Variants in ITGB6 observed in about 807,000 individuals in gnomAD.
ITGB6 encodes integrin subunit beta 6, also known as integrin beta-6.
In ITGB6, 80 loss-of-function variants were observed where a neutral mutation model predicts 84.5. That is an observed-to-expected ratio of 0.95 (90% CI 0.79 to 1.14). The LOEUF is 1.14. Among genes scored for constraint, ITGB6 ranks in the 50% most tolerant of loss-of-function variants. ITGB6 has a pLI of 0.00. For missense variants in ITGB6, 1,006 were observed against 968.0 expected (o/e 1.04, Z -0.52); for synonymous variants, 383 against 354.9 (o/e 1.08, Z -0.89).
intron 5 of ITGB6, among the ~76,000 whole-genome samples, 165 bp downstream of exon 5, chr2:160,173,809 G>A (rs1340233512): frequency 6.6e-6 from 1 of 152,062 alleles, no homozygotes; most frequent in Non-Finnish European, 1.5e-5. Context: ...ATTTCAACAT[G>A]ATTTAATTAA....
At chr2:160,171,569 T>G (rs1211703056) in intron 6 of ITGB6, among the ~76,000 whole-genome samples, 1 of 152,068 alleles carries the variant, frequency 6.6e-6, no homozygotes, top group Non-Finnish European at 1.5e-5. Context: ...TCTCCTGACC[T>G]CGTGATCCAC....
At chr2:160,151,680 C>T (rs1684422168) in intron 7 of ITGB6, among the ~76,000 whole-genome samples, 1 of 151,678 alleles carries the variant, frequency 6.6e-6, no homozygotes. Flanking sequence ...AAAAGATCAA[C>T]AAAATTGATA....
At chr2:160,123,361 G>A (rs1212099859) in intron 12 of ITGB6, among the ~76,000 whole-genome samples, 3 of 152,112 alleles carry the variant, frequency 2.0e-5, no homozygotes, top group Non-Finnish European at 4.4e-5. Flanking sequence ...CCAGTATCTT[G>A]GAGCCACCAT....
At chr2:160,175,139 A>G (rs1487271371) in intron 4 of ITGB6, among the ~76,000 whole-genome samples, 9 of 152,282 alleles carry the variant, frequency 5.9e-5, no homozygotes, top group South Asian at 4.1e-4. Flanking sequence ...GATTCTTAAT[A>G]TGGGCACATG....
At chr2:160,135,663 G>T in intron 10 of ITGB6, among the ~76,000 whole-genome samples, 1 of 150,958 alleles carries the variant, frequency 6.6e-6, no homozygotes, top group Admixed American at 6.6e-5. Flanking sequence ...ATACTACAAG[G>T]CTACAGTAAC....
At chr2:160,110,046 A>G (rs944993147) in intron 13 of ITGB6, among the ~76,000 whole-genome samples, 1 of 152,224 alleles carries the variant, frequency 6.6e-6, no homozygotes, top group Non-Finnish European at 1.5e-5. Context: ...TAAATTACAT[A>G]TAGGGTTTGC....
chr2:160,199,350 C>A, intron 1 of ITGB6, 92 bp from the exon 2 acceptor site: 1 of 933,874 alleles, frequency 1.1e-6, no homozygotes, highest in Non-Finnish European at 1.7e-6. Flanking sequence ...TTGAACAAAA[C>A]AACATCAAAG....
chr2:160,189,091 A>T (rs1240040089), intron 4 of ITGB6, among the ~76,000 whole-genome samples: 1 of 152,218 alleles, frequency 6.6e-6, no homozygotes, highest in Non-Finnish European at 1.5e-5. Context: ...TGACAAAAAT[A>T]AGAAATGGGG....
chr2:160,173,100 T>G (rs1278593407), intron 5 of ITGB6, among the ~76,000 whole-genome samples: 1 of 152,102 alleles, frequency 6.6e-6, no homozygotes, highest in East Asian at 1.9e-4. Flanking sequence ...GAAGCCAAAC[T>G]CATCAAAATG....
At chr2:160,145,205 T>C (rs994633781) in intron 7 of ITGB6, among the ~76,000 whole-genome samples, 1 of 152,178 alleles carries the variant, frequency 6.6e-6, no homozygotes, top group African/African-American at 2.4e-5. Context: ...TAAAAGATGG[T>C]GCTTGGATAT....
intron 12 of ITGB6, among the ~76,000 whole-genome samples, chr2:160,113,708 T>C (rs189193240): frequency 2.8e-4 from 42 of 152,342 alleles, no homozygotes; most frequent in African/African-American, 9.6e-4. Context: ...GTACACTTAG[T>C]GAGTTGTTTA....
At chr2:160,190,633 A>G (rs1686106711) in intron 4 of ITGB6, among the ~76,000 whole-genome samples, 1 of 152,186 alleles carries the variant, frequency 6.6e-6, no homozygotes, top group Non-Finnish European at 1.5e-5. Flanking sequence ...CATAGTTGGA[A>G]CTCAGTAAAT....
At chr2:160,142,675 G>A (rs1243235330) in intron 7 of ITGB6, among the ~76,000 whole-genome samples, 1 of 152,186 alleles carries the variant, frequency 6.6e-6, no homozygotes, top group Non-Finnish European at 1.5e-5. Flanking sequence ...TCACCGTGGA[G>A]TGAGTCAGAA....
At chr2:160,152,434 G>A (rs949470599) in intron 7 of ITGB6, among the ~76,000 whole-genome samples, 17 of 152,174 alleles carry the variant, frequency 1.1e-4, no homozygotes, top group Non-Finnish European at 2.2e-4. Flanking sequence ...ACTAGGTATT[G>A]ATGGAACGTA....
intron 6 of ITGB6, among the ~76,000 whole-genome samples, chr2:160,169,684 G>A (rs531707352): frequency 7.6e-4 from 115 of 152,284 alleles, no homozygotes; most frequent in Non-Finnish European, 1.3e-3. Context: ...TTCCTCAGTC[G>A]AGGGAGGGGC....
At chr2:160,117,435 A>G (rs1682832461) in intron 12 of ITGB6, among the ~76,000 whole-genome samples, 1 of 152,182 alleles carries the variant, frequency 6.6e-6, no homozygotes, top group Non-Finnish European at 1.5e-5. Context: ...AACGAAATGA[A>G]GGCAGAAATA....
chr2:160,145,896 T>A (rs1468141884), intron 7 of ITGB6, among the ~76,000 whole-genome samples: 2 of 152,188 alleles, frequency 1.3e-5, no homozygotes, highest in East Asian at 1.9e-4. Flanking sequence ...GTATCTCCTG[T>A]GTGCTTAGCT....
chr2:160,126,536 A>C lies in ITGB6; in HGVS notation c.1726T>G (p.Cys576Gly). Residue 576 changes from cysteine to glycine, a missense_variant, in exon 11 of 15, where the codon TGC becomes GGC. Coordinates refer to ENST00000283249, the MANE Select transcript of ITGB6 (RefSeq NM_000888.5). ...RSGWTGEYCN[C>G]TTSTDSCVSE... The stretch of plus-strand genomic sequence containing the variant: ...ACGCAGGAGTCCGTGCTGGTGGTGC[A>C]GTTGCAGTACTCGCCAGTCCAGCCG... 2 of 1,614,058 alleles carry C rather than the reference A, an allele frequency of 1.2e-6. No homozygotes were observed. Among genetic ancestry groups the C allele is most frequent in the East Asian group, 4.5e-5 (2 of 44,878 alleles).
chr2:160,131,195 C>T (rs1683454802), intron 10 of ITGB6, among the ~76,000 whole-genome samples: 1 of 81,950 alleles, frequency 1.2e-5, no homozygotes, highest in African/African-American at 4.5e-5. Context: ...ATGCCATTGA[C>T]AATAACTGTT....
Sources: allele counts gnomAD v4.1 joint callset (sites outside exome capture counted in the v4.1 genomes callset), GRCh38; gene constraint gnomAD v4.1.1; transcripts MANE v1.5; gene names NCBI Gene and HGNC (gene_info 2026-07-23, HGNC 2026-07-21).